The following HDLBP variants were observed in gnomAD, a reference collection of about 807,000 sequenced individuals.
HDLBP encodes vigilin.
A neutral mutation model predicts 137.3 loss-of-function variants in HDLBP; 30 were observed. That is an observed-to-expected ratio of 0.22 (90% CI 0.16 to 0.30). The LOEUF is 0.30. Among genes scored for constraint, HDLBP ranks in the 10% least tolerant of loss-of-function variants. The pLI is 1.00. For synonymous variants in HDLBP, 606 were observed against 596.0 expected (o/e 1.02, Z -0.24); for missense variants, 1,119 against 1,667.3 (o/e 0.67, Z 5.73).
At chr2:241,273,306 T>G (rs1221166518) in intron 1 of HDLBP, 1 of 882,430 alleles carries the variant, frequency 1.1e-6, no homozygotes, top group African/African-American at 1.8e-5. Flanking sequence ...TGTCCCTCAC[T>G]TTTATAAACT....
At chr2:241,278,929 A>T (rs1325042071) in intron 1 of HDLBP, among the ~76,000 whole-genome samples, 1 of 152,042 alleles carries the variant, frequency 6.6e-6, no homozygotes, top group Non-Finnish European at 1.5e-5. Flanking sequence ...GGGGGCTGAG[A>T]CACGAGAATC....
chr2:241,255,011 A>T, intron 9 of HDLBP, 40 bp downstream of exon 9: 1 of 1,429,994 alleles, frequency 7.0e-7, no homozygotes, highest in Middle Eastern at 1.7e-4. Context: ...GACAGAAAAC[A>T]AGACAAATTC....
At chr2:241,251,634 C>T (rs1193007200) in intron 11 of HDLBP, among the ~76,000 whole-genome samples, 1 of 152,220 alleles carries the variant, frequency 6.6e-6, no homozygotes, top group African/African-American at 2.4e-5. Flanking sequence ...GTTTTCAGAA[C>T]ACGCGAGTGT....
intron 5 of HDLBP, among the ~76,000 whole-genome samples, chr2:241,258,113 CCAAGG>C (rs2149494000): frequency 6.6e-6 from 1 of 151,896 alleles, no homozygotes; most frequent in South Asian, 2.1e-4. Flanking sequence ...AATAAGCTGG[CCAAGG>C]CCAGGCGCAG....
intron 1 of HDLBP, among the ~76,000 whole-genome samples, chr2:241,278,114 G>A (rs2074462339): frequency 6.6e-6 from 1 of 152,184 alleles, no homozygotes; most frequent in Admixed American, 6.5e-5. Flanking sequence ...TCTCACCTAG[G>A]TATTTAAAAG....
At chr2:241,256,453 A>G in intron 6 of HDLBP, 54 bp from the exon 7 acceptor site, 1 of 1,532,748 alleles carries the variant, frequency 6.5e-7, no homozygotes, top group South Asian at 1.2e-5. Flanking sequence ...CAAACTGGGG[A>G]CAGACAGGGC....
intron 11 of HDLBP, chr2:241,250,903 G>C (rs1166903951): frequency 1.3e-5 from 2 of 152,084 alleles, no homozygotes; most frequent in Non-Finnish European, 2.9e-5. Context: ...GACTGACTAA[G>C]CTACATTCTG....
intron 24 of HDLBP, among the ~76,000 whole-genome samples, chr2:241,232,825 G>A (rs2069932314): frequency 6.6e-6 from 1 of 151,562 alleles, no homozygotes; most frequent in South Asian, 2.1e-4. Flanking sequence ...TCAAAAAAAA[G>A]AACTAAACTC....
chr2:241,286,026 A>C (rs1309639925), intron 1 of HDLBP, among the ~76,000 whole-genome samples: 1 of 152,264 alleles, frequency 6.6e-6, no homozygotes, highest in African/African-American at 2.4e-5. Context: ...TTTGTTTAAA[A>C]GAAAAAGTCA....
intron 1 of HDLBP, among the ~76,000 whole-genome samples, chr2:241,301,369 A>G (rs1057005663): frequency 2.6e-5 from 4 of 152,176 alleles, no homozygotes; most frequent in African/African-American, 9.7e-5. Context: ...AAATATAATT[A>G]AATCAGTAAT....
chr2:241,314,037 T>C (rs924168322), intron 1 of HDLBP, among the ~76,000 whole-genome samples: 1 of 152,190 alleles, frequency 6.6e-6, no homozygotes, highest in Non-Finnish European at 1.5e-5. Context: ...TCAAACGCTG[T>C]CCCTGAGACT....
chr2:241,279,552 G>A (rs777934712), intron 1 of HDLBP, among the ~76,000 whole-genome samples: 1 of 152,160 alleles, frequency 6.6e-6, no homozygotes, highest in African/African-American at 2.4e-5. Flanking sequence ...GCAGCAGAGT[G>A]GGCCCAACGC....
At chr2:241,307,416 C>T (rs2075617801) in intron 1 of HDLBP, among the ~76,000 whole-genome samples, 1 of 152,220 alleles carries the variant, frequency 6.6e-6, no homozygotes, top group Admixed American at 6.5e-5. Context: ...GCTAAGCCTC[C>T]TGAGAGACTG....
chr2:241,262,977 A>G (rs1322985427), intron 4 of HDLBP, 51 bp from the exon 5 acceptor site: 1 of 1,387,624 alleles, frequency 7.2e-7, no homozygotes, highest in South Asian at 1.2e-5. Flanking sequence ...AAAGAAGGCC[A>G]ACAGATAGGG....
intron 1 of HDLBP, among the ~76,000 whole-genome samples, chr2:241,278,932 C>T (rs2074495738): frequency 6.6e-6 from 1 of 151,892 alleles, no homozygotes; most frequent in African/African-American, 2.4e-5. Flanking sequence ...GGCTGAGACA[C>T]GAGAATCGCT....
intron 1 of HDLBP, among the ~76,000 whole-genome samples, chr2:241,289,290 G>GA (rs2074932804): frequency 6.6e-6 from 1 of 152,150 alleles, no homozygotes; most frequent in East Asian, 1.9e-4. Context: ...TTTGTCTCAT[G>GA]AGAAGGTGGG....
intron 20 of HDLBP, among the ~76,000 whole-genome samples, chr2:241,237,323 G>T (rs1019554438): frequency 1.3e-5 from 2 of 152,184 alleles, no homozygotes; most frequent in African/African-American, 4.8e-5. Context: ...GTGAAGAGGC[G>T]TGTGAACAGG....
In HDLBP at chr2:241,255,031, G is replaced by A; in HGVS notation, c.1188+20C>T. ...AAAACAAGACAAATTCAATACAACAGGTGAAAAACGTGTCCTTACCTTTGG... is the reference window on the plus strand; with the variant it reads ...AAAACAAGACAAATTCAATACAACAAGTGAAAAACGTGTCCTTACCTTTGG... On this transcript the variant is annotated intron_variant, in intron 9 of 27. Transcript: ENST00000310931. 2 of 1,518,744 alleles carry A rather than the reference G, an allele frequency of 1.3e-6. No individual in the cohort carries two copies. The highest frequency in any genetic ancestry group is 1.1e-5 in the South Asian group (1 of 89,060). 94.1% of individuals were successfully genotyped at this position (1,518,744 alleles called of 1,614,324 possible).
intron 8 of HDLBP, 49 bp downstream of exon 8, chr2:241,255,325 C>G: frequency 6.5e-7 from 1 of 1,536,992 alleles, no homozygotes; most frequent in Non-Finnish European, 9.0e-7. Flanking sequence ...CATGAAGGCC[C>G]CGCGGACTCC....
Sources: gnomAD v4.1 joint callset for allele counts (sites outside exome capture counted in the v4.1 genomes callset) on GRCh38, gnomAD v4.1.1 for gene constraint, MANE v1.5 for transcripts, NCBI Gene and HGNC (gene_info 2026-07-23, HGNC 2026-07-21) for gene names.